Variants in TCF20 observed in about 807,000 individuals in gnomAD.
TCF20 encodes the protein transcription factor 20, also known as SPRE-binding protein.
In TCF20, 3 loss-of-function variants were observed where a neutral mutation model predicts 148.6. That is an observed-to-expected ratio of 0.02 (90% CI 0.01 to 0.05). TCF20 has a LOEUF of 0.05. TCF20 is among the 10% of genes least tolerant of loss of function. The probability of loss-of-function intolerance (pLI) is 1.00; values close to 1 mark genes in which losing one functional copy is unlikely to be tolerated. For synonymous variants in TCF20, 1,049 were observed against 909.5 expected (o/e 1.15, Z -2.76); for missense variants, 2,350 against 2,429.3 (o/e 0.97, Z 0.69).
intron 2 of TCF20, among the ~76,000 whole-genome samples, chr22:42,198,827 A>G (rs1334388249): frequency 1.3e-5 from 2 of 151,950 alleles, no homozygotes; most frequent in Non-Finnish European, 2.9e-5. Flanking sequence ...ACGTCCAGCT[A>G]ATTTTTTTTG....
intron 1 of TCF20, among the ~76,000 whole-genome samples, chr22:42,259,660 T>C (rs1419999350): frequency 1.3e-5 from 2 of 152,234 alleles, no homozygotes; most frequent in African/African-American, 4.8e-5. Context: ...AAACAAGTTT[T>C]GCCTCTCCTT....
At chr22:42,225,855 G>A (rs1012298020) in intron 1 of TCF20, among the ~76,000 whole-genome samples, 5 of 152,156 alleles carry the variant, frequency 3.3e-5, no homozygotes, top group African/African-American at 1.2e-4. Context: ...ACAGTGCCCA[G>A]GCAAGTGTGC....
exon 1 of TCF20, among the ~76,000 whole-genome samples, chr22:42,283,923 G>T (rs1320375193): frequency 6.6e-6 from 1 of 152,262 alleles, no homozygotes; most frequent in East Asian, 1.9e-4. Flanking sequence ...AGGCGGGGGA[G>T]GAGGGGAAAG....
chr22:42,164,233 G>A (rs1427328310), intron 5 of TCF20, among the ~76,000 whole-genome samples: 1 of 63,238 alleles, frequency 1.6e-5, no homozygotes, highest in African/African-American at 7.4e-5. Flanking sequence ...TTTTTTTTTT[G>A]AGATGGAGTC....
chr22:42,214,931 G>C lies in TCF20; in HGVS notation c.375C>G (p.Ser125Arg). ...VQSYGPPQGS[S>R]FGNQYGSEGH... Reference sequence around the variant, plus strand: ...CCTCACTCCCATACTGATTGCCAAAGCTGCTCCCCTGGGGGGGTCCATAGC... The same window carrying C: ...CCTCACTCCCATACTGATTGCCAAACCTGCTCCCCTGGGGGGGTCCATAGC... The change falls in exon 2 of 6, where the codon AGC becomes AGG. Residue 125 changes from serine (S) to arginine (R), a missense_variant. Around this residue, in one of 7 missense-constraint regions of TCF20, gnomAD observed 1,641 missense variants for 1,662.6 expected, o/e 0.99. Coordinates refer to ENST00000677622, the MANE Select transcript of TCF20 (RefSeq NM_001378418.1). 6.2e-7 allele frequency: 1 copy of C among 1,614,230 alleles called. No individual in the cohort carries two copies. The highest frequency in any genetic ancestry group is 8.5e-7 in the Non-Finnish European group (1 of 1,180,034).
intron 1 of TCF20, among the ~76,000 whole-genome samples, chr22:42,229,584 A>AAC (rs1457762898): frequency 8.5e-5 from 13 of 152,170 alleles, no homozygotes; most frequent in African/African-American, 2.7e-4. Context: ...TAGGGTGCGT[A>AAC]ACAACAGGTT....
chr22:42,213,996 C>A lies in TCF20; in HGVS notation c.1310G>T (p.Gly437Val), dbSNP rs1921371020. ...SPNSHAAGFKGFGLEGVPEKR... is the reference protein window; with the variant it reads ...SPNSHAAGFKVFGLEGVPEKR... The stretch of plus-strand genomic sequence containing the variant: ...TTCTGGTACCCCTTCTAGTCCAAAC[C>A]CTTTGAAGCCTGCAGCATGAGAATT... Residue 437 changes from glycine to valine, a missense_variant, in exon 2 of 6, where the codon GGG becomes GTG. Gly to Val is a moderately radical substitution (Grantham distance 109). This residue lies in a region of TCF20 where 1,641 missense variants were observed against 1,662.6 expected (regional missense o/e 0.99). Coordinates refer to ENST00000677622, the MANE Select transcript of TCF20 (RefSeq NM_001378418.1). 1 of 1,614,190 alleles carries A rather than the reference C, an allele frequency of 6.2e-7. No individual in the cohort carries two copies. The highest frequency in any genetic ancestry group is 2.2e-5 in the East Asian group (1 of 44,876).
rs1385899167 is a variant in TCF20, at chr22:42,317,388, G to C, written c.-37+26091C>G. ...CGTGTTTATGTGTGTGGTGGGGAAG[G>C]AGGGGCGGCGCTGGGTGACGGAGCT... On this transcript the variant is annotated intron_variant, in intron 1 of 1. Coordinates refer to the TCF20 transcript ENST00000515426. The surrounding 1 kb of genome is among the most constrained non-coding windows in gnomAD (Gnocchi z 4.2). Among the ~76,000 whole-genome samples the C allele has an allele frequency of 6.6e-6, 1 of 152,302 alleles. No homozygotes were observed. The highest frequency in any genetic ancestry group is 1.9e-4 in the East Asian group (1 of 5,174).
In TCF20 at chr22:42,214,838, G is replaced by A. The variant is rs996171694; in HGVS notation, c.468C>T (p.Tyr156=). Residue 156 remains tyrosine (Y), a synonymous_variant, in exon 2 of 6, where the codon TAC becomes TAT. Coordinates refer to ENST00000677622, the MANE Select transcript of TCF20 (RefSeq NM_001378418.1). ...LGGVSHYQQD[Y]TGPFSPGSAQ... Reference sequence around the variant, plus strand: ...CACTCCCTGGAGAGAAAGGCCCAGTGTAATCCTGCTGATAATGTGACACAC... The same window carrying A: ...CACTCCCTGGAGAGAAAGGCCCAGTATAATCCTGCTGATAATGTGACACAC... 1 of 1,614,104 alleles carries A rather than the reference G, an allele frequency of 6.2e-7. No individual in the cohort carries two copies. The highest frequency in any genetic ancestry group is 1.1e-5 in the South Asian group (1 of 91,080).
At chr22:42,266,461 T>C (rs1926292626) in intron 1 of TCF20, among the ~76,000 whole-genome samples, 4 of 152,228 alleles carry the variant, frequency 2.6e-5, no homozygotes. Flanking sequence ...TTCCATTTTA[T>C]CTTACAGAGT....
At chr22:42,274,958 T>C (rs539639708), upstream of TCF20, 2 of 152,362 alleles carry the variant, frequency 1.3e-5, no homozygotes, top group Non-Finnish European at 2.9e-5. Context: ...GTCTAATGAG[T>C]TTGGTACTGT....
At chr22:42,167,238 C>T (rs1258453367) in intron 5 of TCF20, among the ~76,000 whole-genome samples, 2 of 152,216 alleles carry the variant, frequency 1.3e-5, no homozygotes, top group East Asian at 1.9e-4. Flanking sequence ...AACGCTCTAT[C>T]AAGAAGGCAC....
intron 1 of TCF20, among the ~76,000 whole-genome samples, chr22:42,330,562 C>T (rs981965669): frequency 6.6e-6 from 1 of 152,218 alleles, no homozygotes; most frequent in South Asian, 2.1e-4. Context: ...GAAAACTCCA[C>T]GAATGCAGAA....
intron 2 of TCF20, among the ~76,000 whole-genome samples, chr22:42,201,438 C>G (rs957465666): frequency 1.3e-5 from 2 of 152,090 alleles, no homozygotes; most frequent in African/African-American, 4.8e-5. Context: ...TTATTTTGGG[C>G]CTTTTAGTGC....
chr22:42,237,708 G>A (rs950678357), intron 1 of TCF20, among the ~76,000 whole-genome samples: 4 of 152,236 alleles, frequency 2.6e-5, no homozygotes, highest in African/African-American at 9.6e-5. Context: ...CAGAATAGAT[G>A]TTGTGTTAGC....
intron 1 of TCF20, among the ~76,000 whole-genome samples, chr22:42,300,063 G>A (rs1360634792): frequency 6.6e-6 from 1 of 152,128 alleles, no homozygotes; most frequent in Non-Finnish European, 1.5e-5. Flanking sequence ...TCGTTCCTTC[G>A]TTCCTTCGCT....
chr22:42,295,089 G>A (rs975998477), intron 1 of TCF20, among the ~76,000 whole-genome samples: 15 of 152,234 alleles, frequency 9.9e-5, no homozygotes, highest in African/African-American at 3.6e-4. Flanking sequence ...CACTGCCACT[G>A]AGGGAGATGA....
chr22:42,234,744 A>G (rs981165232), intron 1 of TCF20, among the ~76,000 whole-genome samples: 14 of 152,238 alleles, frequency 9.2e-5, no homozygotes, highest in African/African-American at 3.4e-4. Context: ...TGAAATAGTT[A>G]CATCTAAGTA....
chr22:42,316,848 C>T (rs1927641758), intron 1 of TCF20, among the ~76,000 whole-genome samples: 1 of 152,188 alleles, frequency 6.6e-6, no homozygotes. Flanking sequence ...GGCCTCCAGC[C>T]CCTCTGAAGC....
Sources: gnomAD v4.1 joint callset for allele counts (sites outside exome capture counted in the v4.1 genomes callset) on GRCh38, gnomAD v4.1.1 for gene constraint, gnomAD v4.1.1 regional missense constraint, Gnocchi (gnomAD v3.1) non-coding constraint, MANE v1.5 for transcripts, NCBI Gene and HGNC (gene_info 2026-07-23, HGNC 2026-07-21) for gene names.